The following LAMA3 variants were observed in gnomAD, a reference collection of about 807,000 sequenced individuals.
The protein encoded by LAMA3 is laminin subunit alpha-3.
In LAMA3, 281 loss-of-function variants were observed where a neutral mutation model predicts 402.0. The observed-to-expected ratio is 0.70, with a 90% CI of 0.63 to 0.77. LAMA3 has a LOEUF of 0.77. Ranked by LOEUF, LAMA3 falls within the 30% of genes least tolerant of loss-of-function variation. LAMA3 has a pLI of 0.00. For missense variants in LAMA3, 3,840 were observed against 4,215.5 expected (o/e 0.91, Z 2.47); for synonymous variants, 1,431 against 1,558.4 (o/e 0.92, Z 1.93).
chr18:23,908,587 G>A (rs2081332339), intron 54 of LAMA3, among the ~76,000 whole-genome samples: 2 of 149,462 alleles, frequency 1.3e-5, no homozygotes, highest in Admixed American at 6.7e-5. Context: ...AGAAAACAAA[G>A]GTTTTTTTTT....
chr18:23,939,433 T>C, intron 68 of LAMA3, 47 bp downstream of exon 68: 1 of 1,587,912 alleles, frequency 6.3e-7, no homozygotes, highest in African/African-American at 1.3e-5. Flanking sequence ...AACCTGACTC[T>C]GCGATTCCAC....
chr18:23,914,653 T>C (rs1933991949), intron 57 of LAMA3, 45 bp from the exon 58 acceptor site: 1 of 1,597,918 alleles, frequency 6.3e-7, no homozygotes, highest in African/African-American at 1.3e-5. Flanking sequence ...TTTGAATTCT[T>C]CAAATTTTTT....
At chr18:23,948,410 G>A (rs2082784392) in intron 70 of LAMA3, among the ~76,000 whole-genome samples, 1 of 152,090 alleles carries the variant, frequency 6.6e-6, no homozygotes, top group Non-Finnish European at 1.5e-5. Context: ...ATCAATGCTG[G>A]GTTCTGGCCC....
intron 2 of LAMA3, among the ~76,000 whole-genome samples, chr18:23,738,032 G>A (rs2061504206): frequency 6.6e-6 from 1 of 152,152 alleles, no homozygotes; most frequent in African/African-American, 2.4e-5. Context: ...AAGTCTCTGT[G>A]AGAAGTCTGG....
rs1362827003 is a variant in LAMA3, at chr18:23,758,489, GGAGCAGAGCCAC to G, written c.1045_1056del (p.Gln349_Glu352del). 1 of 1,613,932 alleles carries G rather than the reference GGAGCAGAGCCAC, an allele frequency of 6.2e-7. No individual in the cohort carries two copies. Among genetic ancestry groups the G allele is most frequent in the Non-Finnish European group, 8.5e-7 (1 of 1,180,006 alleles). ...AGAGGCGCTGGCGGCCCGCCGCTTG[GGAGCAGAGCCAC>G]GAGTGTGAAGGTGGGTGTGGGGATG... is the stretch of plus-strand genomic sequence containing the variant. On this transcript the variant is annotated inframe_deletion, in exon 7 of 75. Transcript: ENST00000313654.
At position 23,815,496 on chromosome 18, in the gene LAMA3, A is replaced by G. The variant is rs776709566; in HGVS notation, c.1970A>G (p.His657Arg). The G allele has an allele frequency of 3.1e-6, 5 of 1,614,100 alleles. No homozygotes were observed. The highest frequency in any genetic ancestry group is 4.2e-6 in the Non-Finnish European group (5 of 1,179,980). ...GATGGTGACTGTCACTGCAAGTCCC[A>G]TGTGGGTGGCGATTCCTGCGACACC... ...QGDGDCHCKS[H>R]VGGDSCDTCE... Residue 657 changes from histidine to arginine, a missense_variant, in exon 17 of 75, where the codon CAT becomes CGT. Physicochemically the swap from His to Arg is conservative, Grantham distance 29. This residue lies in a region of LAMA3 where 2,109 missense variants were observed against 2,376.0 expected (regional missense o/e 0.89). Coordinates refer to ENST00000313654, the MANE Select transcript of LAMA3 (RefSeq NM_198129.4).
chr18:23,853,326 T>C (rs1409411121), intron 32 of LAMA3, among the ~76,000 whole-genome samples: 1 of 152,182 alleles, frequency 6.6e-6, no homozygotes, highest in African/African-American at 2.4e-5. Flanking sequence ...CAGGCTGGAG[T>C]GCAGTGGCGT....
At chr18:23,937,580 C>A (rs16940385) in intron 67 of LAMA3, among the ~76,000 whole-genome samples, 1,581 of 152,108 alleles carry the variant, frequency 0.01, 14 homozygotes, top group South Asian at 0.066. Flanking sequence ...GATGATGATG[C>A]CATTAAGAGA....
intron 49 of LAMA3, among the ~76,000 whole-genome samples, chr18:23,903,573 T>G (rs1378373806): frequency 3.3e-5 from 5 of 152,254 alleles, no homozygotes; most frequent in Non-Finnish European, 7.3e-5. Flanking sequence ...GTTACATATG[T>G]ATACATGTGC....
chr18:23,697,489 C>G (rs1299623836), intron 1 of LAMA3, among the ~76,000 whole-genome samples: 1 of 152,106 alleles, frequency 6.6e-6, no homozygotes, highest in Non-Finnish European at 1.5e-5. Flanking sequence ...GAGGCTCTTC[C>G]CAGGTGCCTC....
At chr18:23,780,190 C>T (rs2062407218) in intron 11 of LAMA3, among the ~76,000 whole-genome samples, 2 of 152,164 alleles carry the variant, frequency 1.3e-5, no homozygotes, top group African/African-American at 4.8e-5. Flanking sequence ...CTAGTCACTG[C>T]CAGGCAGCTG....
chr18:23,954,652 A>C lies in LAMA3; in HGVS notation c.*4A>C. ...GAATGGTTGTCCTGACCAGTAACCCAAGCCTATTTCACAGCAAGGAAATTC... is the reference window on the plus strand; with the variant it reads ...GAATGGTTGTCCTGACCAGTAACCCCAGCCTATTTCACAGCAAGGAAATTC... On this transcript the variant is annotated 3_prime_UTR_variant, in exon 75 of 75. Coordinates refer to ENST00000313654, the MANE Select transcript of LAMA3 (RefSeq NM_198129.4). 1.2e-6 allele frequency: 2 copies of C among 1,614,064 alleles called. No individual in the cohort carries two copies. Among genetic ancestry groups the C allele is most frequent in the Non-Finnish European group, 1.7e-6 (2 of 1,179,990 alleles).
intron 41 of LAMA3, 118 bp downstream of exon 41, chr18:23,884,971 A>G: frequency 4.6e-6 from 3 of 646,430 alleles, no homozygotes; most frequent in South Asian, 4.0e-5. Flanking sequence ...TGAGGCCTGG[A>G]AAAAGGTCTC....
rs997957070 is a variant in LAMA3, at chr18:23,708,567, G to A, written c.295-5353G>A. Among the ~76,000 whole-genome samples, 8 of 151,944 alleles carry A rather than the reference G, an allele frequency of 5.3e-5. No homozygotes were observed. The East Asian group carries it at 1.3e-3, about 26-fold the overall frequency. ...TCAAATTTCTTTTGAGATACTTGAT[G>A]TTCTCTGAGACTATTATAAATGGCA... On this transcript the variant is annotated intron_variant, in intron 1 of 74. Transcript: ENST00000313654.
Position 23,903,053 on chromosome 18 carries a change from G to A in LAMA3, c.6246G>A (p.Lys2082=). 1 of 1,612,998 alleles carries A rather than the reference G, an allele frequency of 6.2e-7. No homozygotes were observed. Among genetic ancestry groups the A allele is most frequent in the Non-Finnish European group, 8.5e-7 (1 of 1,179,148 alleles). The change falls in exon 49 of 75, where the codon AAG becomes AAA. Residue 2082 remains lysine (K), a synonymous_variant. Transcript: ENST00000313654. The part of the protein sequence containing the change: ...EINSLQSDFT[K]YLTTADSSLL... ...ATTCCCTGCAGAGTGATTTCACCAA[G>A]TATCTAACCACTGCAGACTCATCTT...
At chr18:23,811,506 T>C (rs916147607) in intron 13 of LAMA3, among the ~76,000 whole-genome samples, 2 of 152,108 alleles carry the variant, frequency 1.3e-5, no homozygotes, top group Non-Finnish European at 2.9e-5. Flanking sequence ...GTCCCTAGGA[T>C]GCGAGGGCAT....
intron 1 of LAMA3, among the ~76,000 whole-genome samples, chr18:23,704,237 C>A (rs1266992724): frequency 1.3e-5 from 2 of 152,230 alleles, no homozygotes; most frequent in African/African-American, 2.4e-5. Flanking sequence ...TCTTCCCATA[C>A]ATCTGATAGT....
intron 8 of LAMA3, among the ~76,000 whole-genome samples, chr18:23,765,309 C>T (rs2062053152): frequency 6.6e-6 from 1 of 152,154 alleles, no homozygotes; most frequent in South Asian, 2.1e-4. Context: ...ATCCCTAATT[C>T]TGTATATAAA....
chr18:23,812,398 A>G (rs553673995), intron 13 of LAMA3, among the ~76,000 whole-genome samples: 1 of 152,314 alleles, frequency 6.6e-6, no homozygotes, highest in Non-Finnish European at 1.5e-5. Flanking sequence ...AGGCAGACAG[A>G]AGCAAACAAA....
Sources: allele counts gnomAD v4.1 joint callset (sites outside exome capture counted in the v4.1 genomes callset), GRCh38; gene constraint gnomAD v4.1.1; regional missense constraint gnomAD v4.1.1; transcripts MANE v1.5; gene names NCBI Gene and HGNC (gene_info 2026-07-23, HGNC 2026-07-21).